ACTR3: variants seen among roughly 807,000 people sequenced by gnomAD.
The protein encoded by ACTR3 is actin related protein 3.
Under a neutral mutation model 56.8 loss-of-function variants are expected in ACTR3, and 12 were observed. The ratio of observed to expected loss-of-function variants is 0.21; its 90% confidence interval spans 0.14 to 0.34. The LOEUF is 0.34. Among genes scored for constraint, ACTR3 ranks in the 10% least tolerant of loss-of-function variants. The pLI is 1.00. For synonymous variants in ACTR3, 162 were observed against 167.4 expected, an observed-to-expected ratio of 0.97 and a Z score of 0.25; for missense variants, 282 against 512.5, an observed-to-expected ratio of 0.55 and a Z score of 4.34.
chr2:113,894,241 C>T (rs1678961595), intron 1 of ACTR3, among the ~76,000 whole-genome samples: 1 of 151,980 alleles, frequency 6.6e-6, no homozygotes, highest in African/African-American at 2.4e-5. Flanking sequence ...TATAGGCGCC[C>T]ACTACCACGC....
intron 3 of ACTR3, among the ~76,000 whole-genome samples, chr2:113,918,564 T>C (rs1372025465): frequency 1.3e-5 from 2 of 151,970 alleles, no homozygotes; most frequent in Non-Finnish European, 2.9e-5. Flanking sequence ...TTTTGTATTT[T>C]TGGTAGAGAT....
rs1159230740 is a variant in ACTR3 at position 113,931,375 on chromosome 2, A to G, written c.411A>G (p.Pro137=). 1.3e-6 allele frequency: 2 copies of G among 1,597,170 alleles called. No homozygotes were observed. Among genetic ancestry groups the G allele is most frequent in the Admixed American group, 1.7e-5 (1 of 57,380 alleles). The change falls in exon 5 of 12, where the codon CCA becomes CCG. Residue 137 remains proline, a synonymous_variant. Transcript: ENST00000263238. ...AEIMFESFNV[P]GLYIAVQAVL... ...TAATGTTTGAGTCCTTCAATGTTCC[A>G]GGCTTGTACATTGCTGTGCAGGTAA...
intron 1 of ACTR3, among the ~76,000 whole-genome samples, chr2:113,896,892 C>T (rs1679018580): frequency 6.6e-6 from 1 of 152,162 alleles, no homozygotes; most frequent in Admixed American, 6.5e-5. Flanking sequence ...TTTCCCTTGT[C>T]CAGCATGCTC....
At chr2:113,894,708 C>T (rs929949488) in intron 1 of ACTR3, among the ~76,000 whole-genome samples, 11 of 152,198 alleles carry the variant, frequency 7.2e-5, no homozygotes, top group Admixed American at 2.0e-4. Flanking sequence ...CGGAAAGGTC[C>T]TGTGGAGGAC....
chr2:113,958,988 C>T lies in ACTR3; in HGVS notation c.*1533C>T, dbSNP rs1338551390. On this transcript the variant is annotated 3_prime_UTR_variant, in exon 12 of 12. Transcript: ENST00000263238. ...ATAATAATTTTTGTGAATCTTCATT[C>T]TTTGAGTATGGGATTGTAAAAGACA... 2.0e-5 allele frequency: 3 copies of T among 151,916 alleles called. No individual in the cohort carries two copies. The highest frequency in any genetic ancestry group is 1.5e-5 in the Non-Finnish European group (1 of 67,876). 9.4% of individuals were successfully genotyped at this position (151,916 alleles called of 1,614,324 possible).
At chr2:113,909,091 TTAAATC>T (rs1401676726) in intron 1 of ACTR3, among the ~76,000 whole-genome samples, 2 of 152,182 alleles carry the variant, frequency 1.3e-5, no homozygotes, top group African/African-American at 4.8e-5. Context: ...TATTTAAAAT[TTAAATC>T]TAAGGTAGTA....
chr2:113,919,700 T>C (rs1455639834), intron 3 of ACTR3, among the ~76,000 whole-genome samples: 1 of 152,178 alleles, frequency 6.6e-6, no homozygotes, highest in Non-Finnish European at 1.5e-5. Context: ...TATTTATCCC[T>C]TATCTGCTGA....
intron 1 of ACTR3, among the ~76,000 whole-genome samples, chr2:113,898,878 G>A (rs6542182): frequency 0.3 from 45,304 of 152,078 alleles, 11,101 homozygotes; most frequent in African/African-American, 0.67. Flanking sequence ...GGTAGTTACT[G>A]TTATAAATAA....
At chr2:113,909,286 G>T (rs1460068299) in intron 1 of ACTR3, among the ~76,000 whole-genome samples, 2 of 152,068 alleles carry the variant, frequency 1.3e-5, no homozygotes, top group East Asian at 3.8e-4. Flanking sequence ...TTTGTATTAG[G>T]TTCATTTGAT....
intron 8 of ACTR3, among the ~76,000 whole-genome samples, chr2:113,950,157 T>C (rs1680095492): frequency 6.6e-6 from 1 of 152,246 alleles, no homozygotes; most frequent in Non-Finnish European, 1.5e-5. Context: ...GTGTTTCTTT[T>C]TAAAGGCACT....
At chr2:113,956,729 T>A (rs1680220318) in intron 11 of ACTR3, among the ~76,000 whole-genome samples, 2 of 152,212 alleles carry the variant, frequency 1.3e-5, no homozygotes, top group Non-Finnish European at 2.9e-5. Context: ...GAAGGAGCTT[T>A]TATCTGAATT....
At chr2:113,899,971 C>T (rs983432714) in intron 1 of ACTR3, among the ~76,000 whole-genome samples, 9 of 152,016 alleles carry the variant, frequency 5.9e-5, no homozygotes, top group Admixed American at 1.3e-4. Flanking sequence ...GAATGGTTTG[C>T]GATTTATTTG....
chr2:113,890,746 T>C (rs1456790375), intron 1 of ACTR3: 13 of 1,047,124 alleles, frequency 1.2e-5, no homozygotes, highest in Non-Finnish European at 1.5e-5. Flanking sequence ...GGGACTGGCC[T>C]GGCAGGGGAG....
Position 113,946,043 on chromosome 2 carries a change from A to G in ACTR3, c.858+3684A>G, listed in dbSNP as rs998006144. ...CCACATTTTCTTTATCCAGTCTACC[A>G]TTGATGGGCATTTAGGTTGATTCCA... On this transcript the variant is annotated intron_variant, in intron 8 of 11. Transcript: ENST00000263238. Among the ~76,000 whole-genome samples the G allele has an allele frequency of 5.3e-5, 8 of 152,284 alleles. No individual in the cohort carries two copies. The East Asian group carries it at 1.5e-3, about 29-fold the overall frequency.
chr2:113,946,916 A>G (rs1383555091), intron 8 of ACTR3, among the ~76,000 whole-genome samples: 1 of 152,206 alleles, frequency 6.6e-6, no homozygotes, highest in Non-Finnish European at 1.5e-5. Flanking sequence ...GGATTTTAAC[A>G]GTTTCTTTTC....
chr2:113,947,760 A>T (rs1282574018), intron 8 of ACTR3, among the ~76,000 whole-genome samples: 1 of 152,164 alleles, frequency 6.6e-6, no homozygotes, highest in Non-Finnish European at 1.5e-5. Context: ...CTAATGTTTC[A>T]TATATCATTT....
intron 1 of ACTR3, among the ~76,000 whole-genome samples, chr2:113,901,769 G>A (rs900102104): frequency 2.6e-5 from 4 of 152,154 alleles, no homozygotes; most frequent in African/African-American, 9.7e-5. Flanking sequence ...AGGCAGAGTA[G>A]ATTTAGCATC....
intron 8 of ACTR3, among the ~76,000 whole-genome samples, chr2:113,945,384 A>T (rs1679997466): frequency 6.6e-6 from 1 of 152,004 alleles, no homozygotes; most frequent in African/African-American, 2.4e-5. Flanking sequence ...AGGAACATGG[A>T]TGGAGCTGTT....
intron 3 of ACTR3, among the ~76,000 whole-genome samples, chr2:113,920,615 C>T (rs1413311530): frequency 2.0e-5 from 3 of 152,164 alleles, no homozygotes; most frequent in Non-Finnish European, 2.9e-5. Flanking sequence ...AATTTTGTAT[C>T]CTTTATTCAA....
Sources: gnomAD v4.1 joint callset for allele counts (sites outside exome capture counted in the v4.1 genomes callset) on GRCh38, gnomAD v4.1.1 for gene constraint, MANE v1.5 for transcripts, NCBI Gene and HGNC (gene_info 2026-07-23, HGNC 2026-07-21) for gene names.